The following LIMK1 variants were observed in gnomAD, a reference collection of about 807,000 sequenced individuals.
LIMK1 encodes LIM motif-containing protein kinase.
In LIMK1, 21 loss-of-function variants were observed where a neutral mutation model predicts 77.6. The ratio of observed to expected loss-of-function variants is 0.27; its 90% CI spans 0.19 to 0.39. The LOEUF is 0.39. Among genes scored for constraint, LIMK1 ranks in the 10% least tolerant of loss-of-function variants. The pLI is 1.00. For missense variants in LIMK1, 696 were observed against 901.6 expected, an observed-to-expected ratio of 0.77 and a Z score of 2.92; for synonymous variants, 358 against 370.0, an observed-to-expected ratio of 0.97 and a Z score of 0.37.
intron 5 of LIMK1, among the ~76,000 whole-genome samples, chr7:74,100,731 C>T (rs1427217002): frequency 3.4e-5 from 5 of 148,070 alleles, no homozygotes; most frequent in South Asian, 2.1e-4. Flanking sequence ...TGCTAGCTTT[C>T]TCTCTCTCTT....
rs565743386 is a variant in LIMK1, at chr7:74,106,374, G to A, written c.881+131G>A. On this transcript the variant is annotated intron_variant, in intron 7 of 15. Coordinates refer to ENST00000336180, the MANE Select transcript of LIMK1 (RefSeq NM_002314.4). ...GGCTTGAGCCAGGGAGGTGGAGGCT[G>A]CAGTAAGCTGTCATCACACCACTGC... 1.7e-3 allele frequency: 1,693 copies of A among 974,512 alleles called. 3 individuals carry two copies. Among genetic ancestry groups the A allele is most frequent in the Middle Eastern group, 2.8e-3 (8 of 2,908 alleles). 60.4% of individuals were successfully genotyped at this position (974,512 alleles called of 1,614,324 possible).
intron 5 of LIMK1, among the ~76,000 whole-genome samples, chr7:74,103,531 T>C (rs893200936): frequency 7.2e-5 from 11 of 152,244 alleles, no homozygotes; most frequent in Admixed American, 6.5e-4. Context: ...TTGCTGAGGA[T>C]GTTCACTTTG....
In LIMK1 at chr7:74,116,035, G is replaced by A. The variant is rs797040864; in HGVS notation, c.1567+77G>A. The A allele has an allele frequency of 2.1e-6, 3 of 1,459,448 alleles. No individual in the cohort carries two copies. The African/African-American group carries it at 4.2e-5, about 20-fold the overall frequency. 90.4% of individuals were successfully genotyped at this position (1,459,448 alleles called of 1,614,324 possible). On this transcript the variant is annotated intron_variant, in intron 13 of 15. Coordinates refer to ENST00000336180, the MANE Select transcript of LIMK1 (RefSeq NM_002314.4). ...GCCCAGGAGAGCTGTAACCTCCCAA[G>A]CCCCTGGCCCCTCCCAGCCTCCTTG...
intron 5 of LIMK1, among the ~76,000 whole-genome samples, chr7:74,105,460 C>CTGAGAT (rs530639952): frequency 0.011 from 1,580 of 150,052 alleles, 11 homozygotes; most frequent in Non-Finnish European, 0.016. Flanking sequence ...CTGCAGTGAG[C>CTGAGAT]TGAGATTGTG....
At position 74,097,094 on chromosome 7, in the gene LIMK1, G is replaced by T. The variant is rs1554695765; in HGVS notation, c.306G>T (p.Leu102=). 1 of 1,612,866 alleles carries T rather than the reference G, an allele frequency of 6.2e-7. No individual in the cohort carries two copies. The highest frequency in any genetic ancestry group is 8.5e-7 in the Non-Finnish European group (1 of 1,179,422). ...CCCCGCACCAGGTGGCTGGGGAGCT[G>T]AAGTACCACCCCGAGTGTTTCATCT... ...TKGLVMVAGE[L]KYHPECFICL... is the part of the protein sequence containing the mutation. Residue 102 remains leucine (L), a synonymous_variant, in exon 4 of 16, where the codon CTG becomes CTT. Coordinates refer to ENST00000336180, the MANE Select transcript of LIMK1 (RefSeq NM_002314.4).
intron 2 of LIMK1, among the ~76,000 whole-genome samples, chr7:74,091,954 C>CTTTTT (rs35254348): frequency 3.7e-5 from 3 of 80,648 alleles, no homozygotes; most frequent in Non-Finnish European, 6.7e-5. Context: ...GGCTGTACAG[C>CTTTTT]TTTTTTTTTT....
At chr7:74,118,891 T>A (rs2356530) in intron 13 of LIMK1, among the ~76,000 whole-genome samples, 18,553 of 152,002 alleles carry the variant, frequency 0.12, 1,189 homozygotes, top group South Asian at 0.23. Flanking sequence ...TTTTGTTTTT[T>A]GTTTTTTGTT....
intron 10 of LIMK1, 172 bp downstream of exon 10, chr7:74,109,208 G>C: frequency 1.6e-6 from 1 of 617,380 alleles, no homozygotes; most frequent in South Asian, 1.6e-5. Flanking sequence ...TCTAAAGCTA[G>C]GAAAGGCCAG....
At position 74,105,879 on chromosome 7, in the gene LIMK1, G is replaced by T; in HGVS notation, c.613G>T (p.Asp205Tyr). 1 of 1,613,008 alleles carries T rather than the reference G, an allele frequency of 6.2e-7. No individual in the cohort carries two copies. Among genetic ancestry groups the T allele is most frequent in the Non-Finnish European group, 8.5e-7 (1 of 1,179,390 alleles). Reference sequence around the variant, plus strand: ...TGACCCCTGCCTTACCCACAGAGTGGATCCGGGCTGCATGAGCCCAGATGT... The same window carrying T: ...TGACCCCTGCCTTACCCACAGAGTGTATCCGGGCTGCATGAGCCCAGATGT... ...HSHTVRVQGV[D>Y]PGCMSPDVKN... Residue 205 changes from aspartate (D) to tyrosine (Y), a missense_variant, in exon 6 of 16, where the codon GAT (aspartate) becomes TAT (tyrosine). Coordinates refer to ENST00000336180, the MANE Select transcript of LIMK1 (RefSeq NM_002314.4).
chr7:74,085,146 G>C (rs782700483), intron 1 of LIMK1, among the ~76,000 whole-genome samples: 30 of 152,230 alleles, frequency 2.0e-4, no homozygotes, highest in Non-Finnish European at 2.9e-4. Context: ...CCTGTGGCTG[G>C]CTAGAGGAGG....
At chr7:74,093,338 A>T (rs1319559013) in intron 2 of LIMK1, 7 of 1,535,556 alleles carry the variant, frequency 4.6e-6, no homozygotes, top group Non-Finnish European at 6.1e-6. Context: ...CCTGGGCTCC[A>T]GGCAGGGCCC....
chr7:74,085,236 G>T (rs1270064474), intron 1 of LIMK1, among the ~76,000 whole-genome samples: 1 of 152,216 alleles, frequency 6.6e-6, no homozygotes, highest in African/African-American at 2.4e-5. Context: ...GGCATTCATT[G>T]CCAAGGATCT....
intron 9 of LIMK1, 95 bp from the exon 10 acceptor site, chr7:74,108,810 C>T: frequency 1.1e-5 from 17 of 1,531,990 alleles, no homozygotes; most frequent in Non-Finnish European, 1.5e-5. Context: ...TTTGAGACCG[C>T]CTACAGCCCC....
At position 74,107,016 on chromosome 7, in the gene LIMK1, C is replaced by T; in HGVS notation, c.888C>T (p.Ser296=). The change falls in exon 8 of 16, where the codon AGC becomes AGT. Residue 296 remains serine, a synonymous_variant. Transcript: ENST00000336180. ...SSARQKPVLR[S]CSIDRSPGAG... ...CACCATGTGTGCCCCCCAGGAGGAG[C>T]TGCAGCATCGACAGGTCTCCGGGCG... is the stretch of plus-strand genomic sequence containing the variant. 1 of 1,585,276 alleles carries T rather than the reference C, an allele frequency of 6.3e-7. No individual in the cohort carries two copies. The highest frequency in any genetic ancestry group is 1.1e-5 in the South Asian group (1 of 87,112).
rs1799931560 is a variant in LIMK1 at position 74,121,213 on chromosome 7, C to T, written c.1856C>T (p.Pro619Leu). The change falls in exon 16 of 16, where the codon CCA becomes CTA. Residue 619 changes from proline (P) to leucine (L), a missense_variant. This residue lies in a region of LIMK1 where 438 missense variants were observed against 602.3 expected (regional missense o/e 0.73). Coordinates refer to ENST00000336180, the MANE Select transcript of LIMK1 (RefSeq NM_002314.4). Reference protein sequence around the residue: ...MHLAGHLPLGPQLEQLDRGFW... With the variant: ...MHLAGHLPLGLQLEQLDRGFW... The stretch of plus-strand genomic sequence containing the variant: ...CTGGCCGGCCACCTGCCACTGGGCC[C>T]ACAGCTGGAGCAGCTGGACAGAGGT... 1 of 1,613,866 alleles carries T rather than the reference C, an allele frequency of 6.2e-7. No homozygotes were observed. Among genetic ancestry groups the T allele is most frequent in the Non-Finnish European group, 8.5e-7 (1 of 1,179,972 alleles).
chr7:74,096,610 C>T lies in LIMK1; in HGVS notation c.153-12C>T, dbSNP rs782441610. ...CGGGAGTGGACGTCTCAGCCCGGCC[C>T]CTCTCCTGCAGGTGTTGTGACTGCA... is the stretch of plus-strand genomic sequence containing the variant. On this transcript the variant is annotated splice_polypyrimidine_tract_variant and intron_variant, in intron 2 of 15. Transcript: ENST00000336180. 1.9e-5 allele frequency: 31 copies of T among 1,613,834 alleles called. No individual in the cohort carries two copies. The highest frequency in any genetic ancestry group is 5.0e-5 in the Admixed American group (3 of 59,988).
In LIMK1 at chr7:74,107,918, C is replaced by A. The variant is rs868959190; in HGVS notation, c.1113C>A (p.Ile371=). ...TGEVMVMKEL[I]RFDEETQRTF... is the part of the protein sequence containing the mutation. ...AGGTGATGGTGATGAAGGAGCTGAT[C>A]CGGTTCGACGAGGAGACCCAGAGGA... The change falls in exon 9 of 16, where the codon ATC becomes ATA. Residue 371 remains isoleucine, a synonymous_variant. Transcript: ENST00000336180. 3 of 1,577,896 alleles carry A rather than the reference C, an allele frequency of 1.9e-6. No individual in the cohort carries two copies. Among genetic ancestry groups the A allele is most frequent in the African/African-American group, 2.7e-5 (2 of 74,402 alleles).
At chr7:74,097,402 A>C (rs1554695856) in intron 4 of LIMK1, among the ~76,000 whole-genome samples, 2 of 152,252 alleles carry the variant, frequency 1.3e-5, no homozygotes, top group Non-Finnish European at 2.9e-5. Context: ...ACGGCCAGGC[A>C]TGCTGGCTCA....
intron 1 of LIMK1, among the ~76,000 whole-genome samples, 170 bp from the exon 2 acceptor site, chr7:74,085,578 G>T (rs1461843598): frequency 3.3e-5 from 5 of 152,208 alleles, no homozygotes; most frequent in African/African-American, 1.2e-4. Flanking sequence ...TCAGGCCAGC[G>T]CCCTTTCTTC....
Sources: allele counts gnomAD v4.1 joint callset (sites outside exome capture counted in the v4.1 genomes callset), GRCh38; gene constraint gnomAD v4.1.1; regional missense constraint gnomAD v4.1.1; transcripts MANE v1.5; gene names NCBI Gene and HGNC (gene_info 2026-07-23, HGNC 2026-07-21).